The following DPP6 variants were observed in gnomAD, a reference collection of about 807,000 sequenced individuals.
DPP6 encodes dipeptidyl peptidase like 6, also known as A-type potassium channel modulatory protein DPP6.
A neutral mutation model predicts 122.6 loss-of-function variants in DPP6; 69 were observed. That is an observed-to-expected ratio of 0.56 (90% CI 0.46 to 0.69). DPP6 has a LOEUF of 0.69. Ranked by LOEUF, DPP6 falls within the 30% of genes least tolerant of loss-of-function variation. DPP6 has a pLI of 0.00. For missense variants in DPP6, 928 were observed against 1,116.9 expected (o/e 0.83, Z 2.41); for synonymous variants, 418 against 433.1 (o/e 0.97, Z 0.43).
intron 10 of DPP6, among the ~76,000 whole-genome samples, chr7:154,773,820 G>T (rs1437544615): frequency 6.6e-6 from 1 of 152,108 alleles, no homozygotes; most frequent in Non-Finnish European, 1.5e-5. Flanking sequence ...TCTGGAAAGG[G>T]CAGGAATCGA....
chr7:154,015,551 C>T (rs923080903), intron 1 of DPP6, among the ~76,000 whole-genome samples: 27 of 152,260 alleles, frequency 1.8e-4, no homozygotes, highest in East Asian at 5.8e-4. Flanking sequence ...CCATGGCCAT[C>T]GCTCCTCCAC....
At chr7:153,833,439 T>C in the DPP6 span, among the ~76,000 whole-genome samples, 149,118 of 152,186 alleles carry the variant, frequency 0.98, 73,072 homozygotes, top group East Asian at 1. Flanking sequence ...TTTGGGAGGC[T>C]GAGGCGGGCG....
chr7:154,521,512 T>C lies in DPP6; in HGVS notation c.458-19020T>C, dbSNP rs534423671. ...TCTGTTAAGGCACATAAAAATTGAATAGAAAATAATGGAAATGTAAAAGAT... is the reference window on the plus strand; with the variant it reads ...TCTGTTAAGGCACATAAAAATTGAACAGAAAATAATGGAAATGTAAAAGAT... On this transcript the variant is annotated intron_variant, in intron 3 of 25. Transcript: ENST00000377770. Among the ~76,000 whole-genome samples the C allele has an allele frequency of 1.1e-4, 17 of 152,238 alleles. No individual in the cohort carries two copies. The East Asian group carries it at 1.3e-3, about 12-fold the overall frequency.
At chr7:154,724,298 C>T (rs995128669) in intron 7 of DPP6, among the ~76,000 whole-genome samples, 1 of 152,216 alleles carries the variant, frequency 6.6e-6, no homozygotes, top group South Asian at 2.1e-4. Context: ...TACCCCAACT[C>T]TGCAGATGGT....
At chr7:154,511,509 G>A (rs1372384611) in intron 3 of DPP6, among the ~76,000 whole-genome samples, 1 of 152,206 alleles carries the variant, frequency 6.6e-6, no homozygotes, top group Non-Finnish European at 1.5e-5. Context: ...AGGCGTACTA[G>A]TTGACTTGTC....
intron 1 of DPP6, among the ~76,000 whole-genome samples, chr7:154,137,032 C>T (rs1307549078): frequency 1.3e-5 from 2 of 152,216 alleles, no homozygotes; most frequent in African/African-American, 4.8e-5. Context: ...ACTGCCATGA[C>T]CTGGGAAGAG....
At chr7:154,155,838 C>T (rs1310517700) in intron 1 of DPP6, among the ~76,000 whole-genome samples, 1 of 152,180 alleles carries the variant, frequency 6.6e-6, no homozygotes, top group Non-Finnish European at 1.5e-5. Flanking sequence ...AGCCTCTGAG[C>T]CCAGGGGACA....
chr7:153,995,023 T>A (rs988245389), intron 1 of DPP6, among the ~76,000 whole-genome samples: 1 of 152,244 alleles, frequency 6.6e-6, no homozygotes, highest in Non-Finnish European at 1.5e-5. Context: ...TTTACATTTA[T>A]AAGTAAATAA....
At chr7:154,416,125 C>A (rs138317563) in intron 1 of DPP6, among the ~76,000 whole-genome samples, 19 of 152,256 alleles carry the variant, frequency 1.2e-4, no homozygotes, top group African/African-American at 4.1e-4. Flanking sequence ...ATTATGAAAT[C>A]TCACACCGTC....
At chr7:154,375,338 G>A (rs1361416130) in intron 1 of DPP6, among the ~76,000 whole-genome samples, 3 of 152,088 alleles carry the variant, frequency 2.0e-5, no homozygotes, top group Admixed American at 6.5e-5. Flanking sequence ...ATGTTGGCCC[G>A]GGTGGAGGGG....
At chr7:153,838,018 A>T in the DPP6 span, among the ~76,000 whole-genome samples, 1 of 151,932 alleles carries the variant, frequency 6.6e-6, no homozygotes, top group Non-Finnish European at 1.5e-5. Flanking sequence ...GGCAGGTATT[A>T]TTGAAGCTAG....
intron 3 of DPP6, among the ~76,000 whole-genome samples, chr7:154,498,345 A>T (rs981949618): frequency 2.0e-5 from 3 of 151,834 alleles, no homozygotes; most frequent in African/African-American, 7.3e-5. Flanking sequence ...ATTATTTTTT[A>T]TTTTATTTTT....
In DPP6 at chr7:154,875,949, G is replaced by A; in HGVS notation, c.1927G>A (p.Val643Met). The change falls in exon 20 of 26, where the codon GTG (valine) becomes ATG (methionine). Residue 643 changes from valine to methionine, a missense_variant. Physicochemically the swap from Val to Met is conservative, Grantham distance 21. Transcript: ENST00000377770. The surrounding 1 kb of genome is among the most constrained non-coding windows in gnomAD (Gnocchi z 4.5). ...GSQSVAEKFE[V>M]SWETVMVSSH... The stretch of plus-strand genomic sequence containing the variant: ...CCAGAGTGTGGCTGAGAAGTTCGAG[G>A]TGAGCTGGGAGACGGTGATGGTGAG... 1 of 1,613,508 alleles carries A rather than the reference G, an allele frequency of 6.2e-7. No individual in the cohort carries two copies. Among genetic ancestry groups the A allele is most frequent in the Middle Eastern group, 1.7e-4 (1 of 6,058 alleles).
At chr7:153,767,534 A>AT in the DPP6 span, among the ~76,000 whole-genome samples, 115,408 of 137,658 alleles carry the variant, frequency 0.84, 48,333 homozygotes, top group Admixed American at 0.88. Context: ...CACCCGGTTA[A>AT]TTTTTTTTTT....
intron 7 of DPP6, among the ~76,000 whole-genome samples, chr7:154,671,930 A>T (rs1441791786): frequency 6.6e-6 from 1 of 151,888 alleles, no homozygotes; most frequent in Non-Finnish European, 1.5e-5. Flanking sequence ...TCACCGTGCA[A>T]TCTCCCAGCA....
At chr7:153,887,555 AT>A (rs1166504708) in exon 1 of DPP6, 177 of 1,069,662 alleles carry the variant, frequency 1.7e-4, no homozygotes, top group South Asian at 3.0e-4. Flanking sequence ...GACCTGGAAG[AT>A]TTTTTTTTCC....
intron 1 of DPP6, among the ~76,000 whole-genome samples, chr7:153,895,153 T>A (rs1799353924): frequency 1.3e-5 from 2 of 152,130 alleles, no homozygotes; most frequent in South Asian, 4.1e-4. Context: ...CCAGAAAAAA[T>A]TAATCTTCTT....
intron 1 of DPP6, among the ~76,000 whole-genome samples, chr7:154,435,036 C>T (rs916790389): frequency 2.6e-5 from 4 of 152,084 alleles, no homozygotes; most frequent in African/African-American, 7.2e-5. Context: ...AGTGTTTCAC[C>T]ATGTTGGCCA....
At chr7:154,034,943 A>G (rs1585208442) in intron 1 of DPP6, among the ~76,000 whole-genome samples, 2 of 151,064 alleles carry the variant, frequency 1.3e-5, no homozygotes, top group South Asian at 4.2e-4. Context: ...ACCCAGATGG[A>G]AAGAACTGAC....
Sources: allele counts gnomAD v4.1 joint callset (sites outside exome capture counted in the v4.1 genomes callset), GRCh38; gene constraint gnomAD v4.1.1; non-coding constraint Gnocchi (gnomAD v3.1); transcripts MANE v1.5; gene names NCBI Gene and HGNC (gene_info 2026-07-23, HGNC 2026-07-21).